Variants in LRP2 observed in about 807,000 individuals in gnomAD.
LRP2 encodes the protein low-density lipoprotein receptor-related protein 2.
In LRP2, 172 loss-of-function variants were observed where a neutral mutation model predicts 531.0. The ratio of observed to expected loss-of-function variants is 0.32; its 90% CI spans 0.29 to 0.37. The LOEUF (loss-of-function observed/expected upper bound fraction) is 0.37. Among genes scored for constraint, LRP2 ranks in the 10% least tolerant of loss-of-function variants. The pLI, the probability that LRP2 is intolerant of heterozygous loss-of-function variation, is 1.00. For synonymous variants in LRP2, 1,992 were observed against 2,027.6 expected, an observed-to-expected ratio of 0.98 and a Z score of 0.47; for missense variants, 5,167 against 5,868.3, an observed-to-expected ratio of 0.88 and a Z score of 3.90.
intron 9 of LRP2, among the ~76,000 whole-genome samples, chr2:169,286,859 G>GTAA (rs1683872765): frequency 6.6e-6 from 1 of 152,228 alleles, no homozygotes; most frequent in East Asian, 1.9e-4. Context: ...AAAAGCTGAT[G>GTAA]TAATACTGAG....
rs1382528768 is a variant in LRP2, at chr2:169,310,145, A to C, written c.311-2748T>G. ...TGGGCTGAGACGATGGGGTTTTCTA[A>C]ATATACAATCATGTCATCTGCAAAC... is the stretch of plus-strand genomic sequence containing the variant. On this transcript the variant is annotated intron_variant, in intron 3 of 78. Coordinates refer to ENST00000649046, the MANE Select transcript of LRP2 (RefSeq NM_004525.3). Among the ~76,000 whole-genome samples the C allele has an allele frequency of 2.0e-5, 3 of 152,216 alleles. No homozygotes were observed. In the South Asian group the frequency reaches 6.2e-4, roughly 32 times the overall value.
At chr2:169,198,644 C>G (rs1393606385) in intron 45 of LRP2, 142 bp downstream of exon 45, 1 of 911,954 alleles carries the variant, frequency 1.1e-6, no homozygotes, top group African/African-American at 1.6e-5. Flanking sequence ...CATATGAAAG[C>G]AACTGCCTAC....
At chr2:169,297,919 T>A (rs1421301275) in intron 4 of LRP2, among the ~76,000 whole-genome samples, 1 of 151,930 alleles carries the variant, frequency 6.6e-6, no homozygotes, top group Admixed American at 6.6e-5. Flanking sequence ...AAAACCATTA[T>A]TATGAAGAAG....
In LRP2 at chr2:169,162,492, C is replaced by T. The variant is rs1686625261; in HGVS notation, c.11867G>A (p.Trp3956Ter). 6.2e-7 allele frequency: 1 copy of T among 1,614,012 alleles called. No individual in the cohort carries two copies. The highest frequency in any genetic ancestry group is 8.5e-7 in the Non-Finnish European group (1 of 1,180,028). The change falls in exon 63 of 79, where the codon TGG (tryptophan) becomes TAG (stop). Residue 3956 changes from tryptophan to a stop codon, truncating the protein, a stop_gained. Transcript: ENST00000649046. LOFTEE classifies it high-confidence loss of function. ...CTTACTGCAACCCAGTTCATCGGAC[C>T]AGTCACCACAGTCATCGGCATCATC... The part of the protein sequence containing the change: ...VCDDADDCGD[W>*]SDELGCNKGK...
At chr2:169,181,766 G>A (rs1687446288) in intron 51 of LRP2, 148 bp from the exon 52 acceptor site, 4 of 666,354 alleles carry the variant, frequency 6.0e-6, no homozygotes, top group Non-Finnish European at 1.1e-5. Context: ...AGAAAAGAAA[G>A]AGAGCTAACA....
chr2:169,210,687 C>T (rs1559018624), intron 37 of LRP2, among the ~76,000 whole-genome samples: 3 of 152,164 alleles, frequency 2.0e-5, no homozygotes, highest in African/African-American at 2.4e-5. Flanking sequence ...ATTCCCAGTG[C>T]AGTGCATGAA....
intron 31 of LRP2, among the ~76,000 whole-genome samples, chr2:169,230,582 T>A (rs1369450105): frequency 6.6e-6 from 1 of 152,234 alleles, no homozygotes; most frequent in Non-Finnish European, 1.5e-5. Flanking sequence ...GTTGAACTTG[T>A]CTACAGCAAT....
Position 169,138,622 on chromosome 2 carries a change from C to G in LRP2, c.13473G>C (p.Val4491=), listed in dbSNP as rs1387689225. 6.8e-6 allele frequency: 11 copies of G among 1,613,888 alleles called. No individual in the cohort carries two copies. The change falls in exon 75 of 79, where the codon GTG becomes GTC. Residue 4491 remains valine, a synonymous_variant. Transcript: ENST00000649046. ...SGADLNMDIG[V]SGFGPETAID... Reference sequence around the variant, plus strand: ...TAGCAGTCTCAGGTCCAAAACCAGACACTCCAATATCCATGTTAAGATCTG... The same window carrying G: ...TAGCAGTCTCAGGTCCAAAACCAGAGACTCCAATATCCATGTTAAGATCTG...
In LRP2 at chr2:169,235,833, A is replaced by T. The variant is rs781403909; in HGVS notation, c.4920+7T>A. ...TTTTAATTTGGTTTTCCTCACCACCAACTTACCAAATCACTGGCTATCACC... is the reference window on the plus strand; with the variant it reads ...TTTTAATTTGGTTTTCCTCACCACCTACTTACCAAATCACTGGCTATCACC... On this transcript the variant is annotated splice_region_variant and intron_variant, in intron 29 of 78. Coordinates refer to ENST00000649046, the MANE Select transcript of LRP2 (RefSeq NM_004525.3). 6.2e-7 allele frequency: 1 copy of T among 1,610,092 alleles called. No individual in the cohort carries two copies. The highest frequency in any genetic ancestry group is 8.5e-7 in the Non-Finnish European group (1 of 1,176,522).
At chr2:169,242,569 A>G (rs979140305) in intron 24 of LRP2, among the ~76,000 whole-genome samples, 1 of 152,178 alleles carries the variant, frequency 6.6e-6, no homozygotes, top group Admixed American at 6.5e-5. Context: ...GCTCCATACC[A>G]TTTCTACACC....
At chr2:169,186,161 G>A in intron 49 of LRP2, 142 bp from the exon 50 acceptor site, 2 of 739,072 alleles carry the variant, frequency 2.7e-6, no homozygotes, top group Non-Finnish European at 4.4e-6. Context: ...TCCAAAGACT[G>A]TGGATTATTG....
At chr2:169,136,162 C>T (rs544853933) in intron 76 of LRP2, among the ~76,000 whole-genome samples, 48 of 152,210 alleles carry the variant, frequency 3.2e-4, no homozygotes, top group African/African-American at 9.4e-4. Flanking sequence ...TAATTCTACA[C>T]GACAAATGTT....
rs558852203 is a variant in LRP2, at chr2:169,204,074, C to T, written c.7913G>A (p.Arg2638Lys). The T allele has an allele frequency of 7.4e-6, 12 of 1,614,126 alleles. No homozygotes were observed. In the East Asian group the frequency reaches 2.2e-4, roughly 30 times the overall value. Residue 2638 changes from arginine (R) to lysine (K), a missense_variant, in exon 42 of 79, where the codon AGG becomes AAG. This residue lies in a region of LRP2 where 1,129 missense variants were observed against 1,362.7 expected (regional missense o/e 0.83). Transcript: ENST00000649046. ...GTTCTTCACAACAGTGTTGATTCCC[C>T]TGGGCTGGGAGAGCAAATTTGTGGT... ...AMTTNLLSQP[R>K]GINTVVKNQK...
intron 41 of LRP2, 39 bp from the exon 42 acceptor site, chr2:169,204,310 C>G: frequency 6.3e-7 from 1 of 1,596,090 alleles, no homozygotes; most frequent in Non-Finnish European, 8.5e-7. Context: ...GTTGAAATCT[C>G]AAGTGAGTTA....
chr2:169,139,648 T>C, intron 72 of LRP2, 38 bp from the exon 73 acceptor site: 1 of 1,572,882 alleles, frequency 6.4e-7, no homozygotes, highest in Non-Finnish European at 8.8e-7. Flanking sequence ...AGCTGTTATG[T>C]TCTTAGGCTT....
At chr2:169,254,643 T>TAAAAAAAAAAAAAAAAATA (rs528767921) in intron 19 of LRP2, among the ~76,000 whole-genome samples, 2 of 73,274 alleles carry the variant, frequency 2.7e-5, no homozygotes, top group African/African-American at 1.2e-4. Context: ...TAGAGTATAA[T>TAAAAAAAAAAAAAAAAATA]AAAAAAAAAA....
At chr2:169,200,774 G>A (rs886443145) in intron 44 of LRP2, among the ~76,000 whole-genome samples, 2 of 152,128 alleles carry the variant, frequency 1.3e-5, no homozygotes, top group African/African-American at 2.4e-5. Flanking sequence ...AATGCGGCAG[G>A]AACACTAGAA....
intron 1 of LRP2, among the ~76,000 whole-genome samples, chr2:169,324,158 A>G (rs762806523): frequency 1.3e-4 from 20 of 152,228 alleles, no homozygotes; most frequent in Non-Finnish European, 2.6e-4. Flanking sequence ...GTTATTATGA[A>G]TATTTTACAA....
At chr2:169,247,302 A>G (rs1389788369) in intron 20 of LRP2, 76 bp downstream of exon 20, 61 of 1,493,986 alleles carry the variant, frequency 4.1e-5, no homozygotes, top group Middle Eastern at 1.7e-4. Flanking sequence ...ATAAGTACTT[A>G]AAGAGAACAG....
Sources: allele counts gnomAD v4.1 joint callset (sites outside exome capture counted in the v4.1 genomes callset), GRCh38; gene constraint gnomAD v4.1.1; regional missense constraint gnomAD v4.1.1; transcripts MANE v1.5; gene names NCBI Gene and HGNC (gene_info 2026-07-23, HGNC 2026-07-21).